GPHN: variants seen among roughly 807,000 people sequenced by gnomAD.
GPHN encodes gephyrin.
In GPHN, 17 loss-of-function variants were observed where a neutral mutation model predicts 95.5. That is an observed-to-expected ratio of 0.18 (90% CI 0.12 to 0.27). GPHN has a LOEUF of 0.27. GPHN is among the 10% of genes least tolerant of loss of function. GPHN has a pLI of 1.00. For missense variants in GPHN, 660 were observed against 978.1 expected, an observed-to-expected ratio of 0.67 and a Z score of 4.34; for synonymous variants, 320 against 322.5, an observed-to-expected ratio of 0.99 and a Z score of 0.08.
At chr14:67,651,448 G>A in the GPHN span, 1 of 1,613,958 alleles carries the variant, frequency 6.2e-7, no homozygotes, top group Non-Finnish European at 8.5e-7. Context: ...CCAGTAAGAT[G>A]ATAATGGAAA....
At chr14:66,948,546 A>G (rs538072227) in intron 8 of GPHN, among the ~76,000 whole-genome samples, 50 of 152,270 alleles carry the variant, frequency 3.3e-4, no homozygotes, top group African/African-American at 1.2e-3. Flanking sequence ...GCTGTCTAGT[A>G]TATTACTTGT....
At chr14:67,637,814 G>T in the GPHN span, among the ~76,000 whole-genome samples, 2,056 of 152,272 alleles carry the variant, frequency 0.014, 57 homozygotes, top group African/African-American at 0.047. Flanking sequence ...AAGTACTCAC[G>T]GTGGCATACA....
intron 2 of GPHN, among the ~76,000 whole-genome samples, chr14:66,738,371 A>G (rs1029547119): frequency 6.6e-6 from 1 of 152,224 alleles, no homozygotes; most frequent in African/African-American, 2.4e-5. Flanking sequence ...AAGTTACTTT[A>G]TTATAAAGGG....
At chr14:67,453,556 C>G in the GPHN span, among the ~76,000 whole-genome samples, 1 of 152,218 alleles carries the variant, frequency 6.6e-6, no homozygotes, top group Admixed American at 6.5e-5. Flanking sequence ...TTAGCTGCAC[C>G]TATTTTTGCC....
chr14:67,535,623 G>T, the GPHN span, among the ~76,000 whole-genome samples: 1 of 151,862 alleles, frequency 6.6e-6, no homozygotes, highest in African/African-American at 2.4e-5. Flanking sequence ...CAGGTAAGCC[G>T]CCTGCCTCCA....
At chr14:67,705,472 C>T in the GPHN span, among the ~76,000 whole-genome samples, 2 of 152,208 alleles carry the variant, frequency 1.3e-5, no homozygotes, top group Non-Finnish European at 2.9e-5. Flanking sequence ...AATCATAAGA[C>T]TTGCCCCAGG....
intron 1 of GPHN, among the ~76,000 whole-genome samples, chr14:66,663,376 A>T (rs552759517): frequency 6.6e-6 from 1 of 152,340 alleles, no homozygotes; most frequent in African/African-American, 2.4e-5. Context: ...TGCCCAATCT[A>T]AGCTTCATAA....
At chr14:67,292,828 ACT>A in the GPHN span, 6 of 771,858 alleles carry the variant, frequency 7.8e-6, no homozygotes, top group Non-Finnish European at 1.2e-5. Flanking sequence ...TGAATTAATT[ACT>A]GTTAATTACA....
chr14:66,696,228 A>G lies in GPHN; in HGVS notation c.143+15043A>G, dbSNP rs184316174. On this transcript the variant is annotated intron_variant, in intron 2 of 22. Transcript: ENST00000478722. ...TTATCTCATAAACAAAATTAACCATAAAAGAGTAATCCTCATTAGAAAAAT... is the reference window on the plus strand; with the variant it reads ...TTATCTCATAAACAAAATTAACCATGAAAGAGTAATCCTCATTAGAAAAAT... 5.6e-3 allele frequency among the ~76,000 whole-genome samples: 853 copies of G among 152,366 alleles called. 10 individuals carry two copies. The highest frequency in any genetic ancestry group is 8.9e-3 in the Non-Finnish European group (607 of 68,040).
chr14:67,174,158 G>A (rs377202400), intron 21 of GPHN, among the ~76,000 whole-genome samples: 3 of 152,252 alleles, frequency 2.0e-5, no homozygotes, highest in Admixed American at 6.5e-5. Flanking sequence ...GTGCCATGTT[G>A]GTTTCCTGCA....
chr14:67,486,620 C>G, the GPHN span, among the ~76,000 whole-genome samples: 1 of 152,176 alleles, frequency 6.6e-6, no homozygotes, highest in Admixed American at 6.5e-5. Context: ...AGCTCTCTTT[C>G]TGCTTGCTAC....
the GPHN span, among the ~76,000 whole-genome samples, chr14:67,290,668 G>C: frequency 5.3e-5 from 8 of 152,228 alleles, no homozygotes; most frequent in East Asian, 1.5e-3. Context: ...AAAGTGCTGG[G>C]AACACAGGCG....
chr14:66,846,627 A>G (rs1276045635), intron 4 of GPHN, among the ~76,000 whole-genome samples: 1 of 152,204 alleles, frequency 6.6e-6, no homozygotes, highest in Non-Finnish European at 1.5e-5. Flanking sequence ...ACAACTTATC[A>G]CAGCTGAAGG....
the GPHN span, chr14:67,559,486 T>C: frequency 1.5e-6 from 1 of 649,194 alleles, no homozygotes; most frequent in East Asian, 2.8e-5. Context: ...AAACGATTTC[T>C]GCTCACTGGC....
At chr14:67,503,763 G>A in the GPHN span, among the ~76,000 whole-genome samples, 17 of 151,994 alleles carry the variant, frequency 1.1e-4, no homozygotes, top group East Asian at 1.9e-4. Flanking sequence ...GAGTACAGTC[G>A]TGCGATCTCA....
chr14:66,517,876 T>C (rs1316952052), intron 1 of GPHN, among the ~76,000 whole-genome samples: 1 of 151,888 alleles, frequency 6.6e-6, no homozygotes, highest in Non-Finnish European at 1.5e-5. Context: ...AGGACATTGG[T>C]CTGGGAAAAA....
At chr14:66,645,508 G>A (rs185366218) in intron 1 of GPHN, among the ~76,000 whole-genome samples, 145 of 151,816 alleles carry the variant, frequency 9.6e-4, no homozygotes, top group Non-Finnish European at 1.7e-3. Flanking sequence ...CCAACAAGGC[G>A]AAATCCCTCC....
intron 9 of GPHN, chr14:66,969,441 G>A (rs2069585694): frequency 6.6e-6 from 1 of 152,174 alleles, no homozygotes; most frequent in East Asian, 1.9e-4. Context: ...TTTAAAGTGA[G>A]CATGATTCAT....
chr14:67,125,166 T>G (rs1366320853), intron 17 of GPHN, among the ~76,000 whole-genome samples: 1 of 152,112 alleles, frequency 6.6e-6, no homozygotes, highest in Non-Finnish European at 1.5e-5. Context: ...TTTCTTAGTC[T>G]TAGAGTGCTA....
Sources: allele counts gnomAD v4.1 joint callset (sites outside exome capture counted in the v4.1 genomes callset), GRCh38; gene constraint gnomAD v4.1.1; transcripts MANE v1.5; gene names NCBI Gene and HGNC (gene_info 2026-07-23, HGNC 2026-07-21).